SMARCC1: variants seen among roughly 807,000 people sequenced by gnomAD.
The protein encoded by SMARCC1 is SWI/SNF complex subunit SMARCC1.
A neutral mutation model predicts 147.4 loss-of-function variants in SMARCC1; 43 were observed. That is an observed-to-expected ratio of 0.29 (90% CI 0.23 to 0.38). The LOEUF is 0.38. SMARCC1 is among the 10% of genes least tolerant of loss of function. The probability of loss-of-function intolerance (pLI) is 1.00; values close to 1 mark genes in which losing one functional copy is unlikely to be tolerated. For missense variants in SMARCC1, 1,119 were observed against 1,381.1 expected (o/e 0.81, Z 3.01); for synonymous variants, 495 against 484.4 (o/e 1.02, Z -0.29).
At chr3:47,688,808 A>G (rs2033759831) in intron 13 of SMARCC1, among the ~76,000 whole-genome samples, 1 of 152,196 alleles carries the variant, frequency 6.6e-6, no homozygotes, top group Non-Finnish European at 1.5e-5. Flanking sequence ...GTCGGCACTG[A>G]ATATTACCTT....
At chr3:47,761,256 C>T (rs2034770297) in intron 2 of SMARCC1, among the ~76,000 whole-genome samples, 1 of 151,698 alleles carries the variant, frequency 6.6e-6, no homozygotes, top group Non-Finnish European at 1.5e-5. Context: ...GAGCTATGAC[C>T]ATACCACTGT....
At chr3:47,679,784 C>T (rs1012244356) in intron 15 of SMARCC1, among the ~76,000 whole-genome samples, 2 of 151,080 alleles carry the variant, frequency 1.3e-5, no homozygotes, top group African/African-American at 4.9e-5. Context: ...ATAGCTTGAA[C>T]CCAGGAGGCA....
At chr3:47,699,033 C>G (rs1171948425) in intron 11 of SMARCC1, among the ~76,000 whole-genome samples, 2 of 152,256 alleles carry the variant, frequency 1.3e-5, no homozygotes, top group East Asian at 1.9e-4. Flanking sequence ...TCAAAAACAA[C>G]TTTAAATTGG....
intron 26 of SMARCC1, among the ~76,000 whole-genome samples, chr3:47,601,997 G>A (rs1339986280): frequency 6.6e-6 from 1 of 152,078 alleles, no homozygotes; most frequent in African/African-American, 2.4e-5. Flanking sequence ...ACCATGCCCG[G>A]CCAGGCTATT....
At chr3:47,743,090 AC>A (rs1576428291) in intron 3 of SMARCC1, among the ~76,000 whole-genome samples, 1 of 152,212 alleles carries the variant, frequency 6.6e-6, no homozygotes, top group Admixed American at 6.6e-5. Context: ...CAAACTTTGG[AC>A]CTAAAGCCAG....
chr3:47,757,051 G>A (rs550251831), intron 2 of SMARCC1, among the ~76,000 whole-genome samples: 1 of 152,048 alleles, frequency 6.6e-6, no homozygotes, highest in Admixed American at 6.6e-5. Context: ...AGGAGTTTGA[G>A]ATCAGCCTGG....
intron 2 of SMARCC1, among the ~76,000 whole-genome samples, chr3:47,764,295 C>G (rs1434072475): frequency 1.3e-5 from 2 of 152,078 alleles, no homozygotes; most frequent in Non-Finnish European, 2.9e-5. Context: ...TTCAGTCTCC[C>G]AAGTAGTCTG....
In SMARCC1 at chr3:47,725,814, C is replaced by A. The variant is rs185812516; in HGVS notation, c.646+3211G>T. Among the ~76,000 whole-genome samples the A allele has an allele frequency of 3.7e-3, 565 of 151,778 alleles. 4 individuals are homozygous for A. Among genetic ancestry groups the A allele is most frequent in the African/African-American group, 0.013 (532 of 41,436 alleles). ...CAGTGACTCATGCCTGTAATCCCAA[C>A]ACTTTGGGAGGCTGGGTCGGGTGAA... On this transcript the variant is annotated intron_variant, in intron 6 of 27. Coordinates refer to ENST00000254480, the MANE Select transcript of SMARCC1 (RefSeq NM_003074.4).
At chr3:47,663,327 A>T in intron 19 of SMARCC1, among the ~76,000 whole-genome samples, 1 of 151,936 alleles carries the variant, frequency 6.6e-6, no homozygotes, top group Non-Finnish European at 1.5e-5. Flanking sequence ...AGGAAGCTAT[A>T]AAAAAAAGTA....
intron 2 of SMARCC1, among the ~76,000 whole-genome samples, chr3:47,757,446 G>A (rs2034713200): frequency 6.6e-6 from 1 of 151,906 alleles, no homozygotes; most frequent in African/African-American, 2.4e-5. Flanking sequence ...AAATGTAAAA[G>A]ACAAAAAGAT....
chr3:47,704,685 G>A (rs1047469592), intron 10 of SMARCC1, among the ~76,000 whole-genome samples: 2 of 152,280 alleles, frequency 1.3e-5, no homozygotes, highest in East Asian at 3.9e-4. Flanking sequence ...GGGAGGCCGA[G>A]GTGGAAGAAT....
At chr3:47,635,408 C>T in intron 23 of SMARCC1, 64 bp from the exon 24 acceptor site, 2 of 1,376,188 alleles carry the variant, frequency 1.5e-6, no homozygotes, top group Non-Finnish European at 2.0e-6. Flanking sequence ...TTTCTCCTTA[C>T]CTCCACCACT....
chr3:47,767,119 G>A (rs948887933), intron 2 of SMARCC1, among the ~76,000 whole-genome samples: 9 of 130,662 alleles, frequency 6.9e-5, no homozygotes, highest in African/African-American at 1.1e-4. Context: ...GGAGGCGGAA[G>A]TTGCAGTGAG....
At chr3:47,648,918 A>G (rs947913229) in intron 21 of SMARCC1, among the ~76,000 whole-genome samples, 2 of 152,240 alleles carry the variant, frequency 1.3e-5, no homozygotes, top group African/African-American at 4.8e-5. Context: ...TGATTTGATT[A>G]AACAATCCCC....
At chr3:47,647,722 A>C (rs1468504823) in intron 21 of SMARCC1, among the ~76,000 whole-genome samples, 3 of 152,222 alleles carry the variant, frequency 2.0e-5, no homozygotes, top group Non-Finnish European at 2.9e-5. Flanking sequence ...ATGTGAGACT[A>C]ATCACGTCAT....
At chr3:47,615,873 G>A (rs1260431997) in intron 25 of SMARCC1, among the ~76,000 whole-genome samples, 2 of 152,042 alleles carry the variant, frequency 1.3e-5, no homozygotes, top group Admixed American at 6.6e-5. Flanking sequence ...TAGTAGAGAC[G>A]GGGTTTCACA....
chr3:47,752,280 A>T (rs569595713), intron 2 of SMARCC1, among the ~76,000 whole-genome samples: 4 of 152,322 alleles, frequency 2.6e-5, no homozygotes, highest in African/African-American at 9.6e-5. Context: ...AATCAAAGTC[A>T]GGTAATGGAA....
chr3:47,641,771 A>G (rs1184540812), intron 21 of SMARCC1, among the ~76,000 whole-genome samples: 1 of 152,182 alleles, frequency 6.6e-6, no homozygotes, highest in Non-Finnish European at 1.5e-5. Flanking sequence ...ACTTTTTAAA[A>G]ATTACTTTTA....
chr3:47,617,740 A>C (rs1016491411), intron 25 of SMARCC1, among the ~76,000 whole-genome samples: 4 of 152,166 alleles, frequency 2.6e-5, no homozygotes, highest in Non-Finnish European at 4.4e-5. Flanking sequence ...TTCAAATGAC[A>C]CATTTTGGTT....
Sources: allele counts gnomAD v4.1 joint callset (sites outside exome capture counted in the v4.1 genomes callset), GRCh38; gene constraint gnomAD v4.1.1; transcripts MANE v1.5; gene names NCBI Gene and HGNC (gene_info 2026-07-23, HGNC 2026-07-21).